The following CHL1 variants were observed in gnomAD, a reference collection of about 807,000 sequenced individuals.
The protein encoded by CHL1 is cell adhesion molecule L1 like.
In CHL1, 96 loss-of-function variants were observed where a neutral mutation model predicts 141.9. That is an observed-to-expected ratio of 0.68 (90% CI 0.57 to 0.80). The LOEUF (loss-of-function observed/expected upper bound fraction) is 0.80. CHL1 is among the 30% of genes least tolerant of loss of function. The pLI is 0.00. For synonymous variants in CHL1, 613 were observed against 502.2 expected, an observed-to-expected ratio of 1.22 and a Z score of -2.95; for missense variants, 1,820 against 1,457.2, an observed-to-expected ratio of 1.25 and a Z score of -4.05.
At chr3:263,934 G>T (rs1694949995) in intron 2 of CHL1, among the ~76,000 whole-genome samples, 2 of 152,210 alleles carry the variant, frequency 1.3e-5, no homozygotes, top group African/African-American at 4.8e-5. Flanking sequence ...GATTTTAAAA[G>T]AATGACCTTT....
intron 3 of CHL1, among the ~76,000 whole-genome samples, chr3:324,963 G>T (rs6793363): frequency 0.036 from 5,413 of 151,958 alleles, 331 homozygotes; most frequent in African/African-American, 0.12. Context: ...GTCACAAGAG[G>T]AGGGGATATT....
intron 2 of CHL1, among the ~76,000 whole-genome samples, chr3:271,059 CAA>C (rs1177680442): frequency 1.3e-5 from 2 of 152,114 alleles, no homozygotes; most frequent in Admixed American, 1.3e-4. Context: ...GGGAAGTTGT[CAA>C]AGAGTTTGTG....
intron 3 of CHL1, among the ~76,000 whole-genome samples, chr3:321,295 T>C (rs915235030): frequency 2.6e-5 from 4 of 152,078 alleles, no homozygotes; most frequent in African/African-American, 4.8e-5. Context: ...ATTCCACTTA[T>C]CTGACCTACA....
chr3:376,504 T>C (rs373575455), intron 15 of CHL1: 1 of 465,752 alleles, frequency 2.1e-6, no homozygotes, highest in East Asian at 6.1e-5. Flanking sequence ...CTAAGATACA[T>C]TTGTGAGACT....
intron 2 of CHL1, among the ~76,000 whole-genome samples, chr3:317,586 C>T (rs1166460571): frequency 2.0e-5 from 3 of 149,436 alleles, no homozygotes; most frequent in Non-Finnish European, 3.0e-5. Context: ...TAAATAATAA[C>T]TAGATTGCAA....
intron 1 of CHL1, among the ~76,000 whole-genome samples, chr3:238,002 ATCGTATTTTTTCTAGTT>A (rs1418365833): frequency 6.6e-6 from 1 of 152,174 alleles, no homozygotes; most frequent in Non-Finnish European, 1.5e-5. Context: ...TTAACAAAGT[ATCGTATTTTTTCTAGTT>A]CTTACTTTAT....
chr3:222,308 T>C (rs1700915472), intron 1 of CHL1, among the ~76,000 whole-genome samples: 1 of 152,200 alleles, frequency 6.6e-6, no homozygotes, highest in Non-Finnish European at 1.5e-5. Context: ...ACTTGCACTC[T>C]AGCTCACGGT....
At chr3:382,453 T>G in intron 17 of CHL1, 21 bp from the exon 18 acceptor site, 5 of 1,599,664 alleles carry the variant, frequency 3.1e-6, no homozygotes, top group Non-Finnish European at 3.4e-6. Flanking sequence ...TCTAATATTT[T>G]TTCCCTGTTT....
intron 3 of CHL1, among the ~76,000 whole-genome samples, chr3:325,392 A>C (rs914420088): frequency 3.9e-5 from 6 of 152,028 alleles, no homozygotes; most frequent in Admixed American, 3.3e-4. Flanking sequence ...ATCATAAATC[A>C]GTAATTCAAA....
chr3:246,653 A>T (rs561289488), intron 2 of CHL1: 7 of 152,240 alleles, frequency 4.6e-5, no homozygotes, highest in African/African-American at 1.4e-4. Context: ...TCAAGCTCTG[A>T]TTAGATTACA....
At chr3:351,097 C>T (rs534475293) in intron 10 of CHL1, among the ~76,000 whole-genome samples, 75 of 152,266 alleles carry the variant, frequency 4.9e-4, no homozygotes, top group African/African-American at 1.7e-3. Flanking sequence ...TGGAACATAG[C>T]TACGGTAGCT....
intron 2 of CHL1, among the ~76,000 whole-genome samples, chr3:289,239 G>A (rs1697443600): frequency 6.6e-6 from 1 of 152,124 alleles, no homozygotes; most frequent in South Asian, 2.1e-4. Context: ...TGCAAAGTTA[G>A]ATTTATTGGT....
intron 1 of CHL1, among the ~76,000 whole-genome samples, chr3:242,119 A>G (rs1015359454): frequency 1.1e-4 from 16 of 152,186 alleles, no homozygotes; most frequent in Admixed American, 1.0e-3. Context: ...TATCATAAGA[A>G]AAGATTAAAA....
At chr3:398,868 A>G (rs1436466226) in intron 25 of CHL1, 149 bp from the exon 26 acceptor site, 2 of 614,636 alleles carry the variant, frequency 3.3e-6, no homozygotes, top group Non-Finnish European at 2.8e-6. Flanking sequence ...TCCCATTAAC[A>G]TGTCCTTCAA....
rs1450683692 is a variant in CHL1 at position 408,568 on chromosome 3, T to C, written c.*2857T>C. 6.6e-6 allele frequency: 1 copy of C among 152,168 alleles called. No individual in the cohort carries two copies. Among genetic ancestry groups the C allele is most frequent in the African/African-American group, 2.4e-5 (1 of 41,448 alleles). The allele number at this position is 152,168 out of a possible 1,614,324, so 9.4% of individuals were successfully genotyped here. A position where few individuals can be genotyped will look rare whatever the true frequency, so the allele number is the denominator to read the frequency against. Reference sequence around the variant, plus strand: ...AAAGCTAAGATGCCTTCTAACTTCATAAGCAAACCTTTAACTAATTATGTA... The same window carrying C: ...AAAGCTAAGATGCCTTCTAACTTCACAAGCAAACCTTTAACTAATTATGTA... On this transcript the variant is annotated 3_prime_UTR_variant, in exon 28 of 28. Transcript: ENST00000256509.
intron 5 of CHL1, among the ~76,000 whole-genome samples, chr3:337,180 C>CTTTTTTTTTTTTTTTTTTT (rs1490013935): frequency 8.8e-6 from 1 of 113,288 alleles, no homozygotes; most frequent in Non-Finnish European, 1.7e-5. Context: ...TCCAAACATT[C>CTTTTTTTTTTTTTTTTTTT]TTTTGTTTTT....
At chr3:271,997 C>A (rs550168356) in intron 2 of CHL1, among the ~76,000 whole-genome samples, 1 of 152,248 alleles carries the variant, frequency 6.6e-6, no homozygotes, top group East Asian at 1.9e-4. Context: ...ACTGTAAAAT[C>A]ATATGGTAGA....
chr3:397,138 G>C (rs938289854), intron 24 of CHL1, among the ~76,000 whole-genome samples: 8 of 152,138 alleles, frequency 5.3e-5, no homozygotes, highest in Admixed American at 3.9e-4. Flanking sequence ...GTCATTAGCG[G>C]TTTGAATAAA....
intron 2 of CHL1, among the ~76,000 whole-genome samples, chr3:256,750 T>C (rs1694212492): frequency 1.3e-5 from 2 of 152,216 alleles, no homozygotes; most frequent in African/African-American, 2.4e-5. Context: ...AGGATTCATA[T>C]GTATCTTTTT....
Sources: allele counts gnomAD v4.1 joint callset (sites outside exome capture counted in the v4.1 genomes callset), GRCh38; gene constraint gnomAD v4.1.1; transcripts MANE v1.5; gene names NCBI Gene and HGNC (gene_info 2026-07-23, HGNC 2026-07-21).